SPAG16: variants seen among roughly 807,000 people sequenced by gnomAD.
SPAG16 encodes the protein sperm associated antigen 16, also known as sperm-associated antigen 16 protein.
Under a neutral mutation model 80.4 loss-of-function variants are expected in SPAG16, and 86 were observed. That is an observed-to-expected ratio of 1.07 (90% CI 0.90 to 1.28). The LOEUF is 1.28. SPAG16 is among the 50% of genes most tolerant of loss of function. The probability of loss-of-function intolerance (pLI) is 0.00; values close to 1 mark genes in which losing one functional copy is unlikely to be tolerated. For missense variants in SPAG16, 870 were observed against 765.3 expected (o/e 1.14, Z -1.61); for synonymous variants, 294 against 265.9 (o/e 1.11, Z -1.03).
intron 10 of SPAG16, among the ~76,000 whole-genome samples, chr2:213,743,163 A>G (rs1321627863): frequency 6.8e-6 from 1 of 147,246 alleles, no homozygotes; most frequent in African/African-American, 2.5e-5. Flanking sequence ...TCAGCCTCCC[A>G]AAGTGCTGGG....
intron 15 of SPAG16, among the ~76,000 whole-genome samples, chr2:214,193,397 G>C (rs943881054): frequency 5.8e-5 from 3 of 52,076 alleles, no homozygotes; most frequent in African/African-American, 3.0e-4. Flanking sequence ...GATCTTTTAT[G>C]TGTGTGTGTG....
chr2:214,351,374 G>C (rs1698392732), intron 15 of SPAG16, among the ~76,000 whole-genome samples: 3 of 151,602 alleles, frequency 2.0e-5, no homozygotes. Flanking sequence ...ACACAGATAG[G>C]ATTGTCTGTG....
chr2:213,700,723 G>A (rs1005491558), intron 10 of SPAG16, among the ~76,000 whole-genome samples: 2 of 152,170 alleles, frequency 1.3e-5, no homozygotes, highest in African/African-American at 4.8e-5. Flanking sequence ...GTTATTCATT[G>A]ATAAGAATTC....
At chr2:213,852,840 A>G (rs2074973379) in intron 10 of SPAG16, among the ~76,000 whole-genome samples, 1 of 152,198 alleles carries the variant, frequency 6.6e-6, no homozygotes, top group South Asian at 2.1e-4. Flanking sequence ...TGCATGCTAC[A>G]TCATAGGCTA....
At chr2:213,795,458 A>G (rs913744502) in intron 10 of SPAG16, among the ~76,000 whole-genome samples, 3 of 152,232 alleles carry the variant, frequency 2.0e-5, no homozygotes, top group African/African-American at 4.8e-5. Flanking sequence ...TAGCATCAAT[A>G]TATCCTTCAC....
intron 4 of SPAG16, among the ~76,000 whole-genome samples, chr2:213,314,437 AC>A (rs1191187598): frequency 2.0e-5 from 3 of 151,844 alleles, no homozygotes; most frequent in Non-Finnish European, 2.9e-5. Flanking sequence ...GAAGCAAACC[AC>A]AAAAACATTA....
chr2:214,231,118 G>T (rs1688668657), intron 15 of SPAG16, among the ~76,000 whole-genome samples: 1 of 151,896 alleles, frequency 6.6e-6, no homozygotes, highest in Non-Finnish European at 1.5e-5. Flanking sequence ...GACATCGTTG[G>T]AATAACCAAC....
intron 9 of SPAG16, among the ~76,000 whole-genome samples, chr2:213,401,754 C>T (rs1385738125): frequency 2.0e-5 from 3 of 151,942 alleles, no homozygotes; most frequent in East Asian, 1.9e-4. Context: ...TGTTTTTGGA[C>T]GTGTTTCTAC....
chr2:213,455,896 T>G (rs575964339), intron 9 of SPAG16, among the ~76,000 whole-genome samples: 11 of 152,290 alleles, frequency 7.2e-5, no homozygotes, highest in African/African-American at 1.9e-4. Context: ...CACACAGACC[T>G]TGTATCCAGC....
chr2:213,954,109 G>T (rs1403244125), intron 12 of SPAG16, among the ~76,000 whole-genome samples: 1 of 150,546 alleles, frequency 6.6e-6, no homozygotes, highest in Non-Finnish European at 1.5e-5. Context: ...ACACCAAAAA[G>T]AAGCTCCACT....
chr2:214,282,946 A>G lies in SPAG16; in HGVS notation c.1721-127194A>G, dbSNP rs1425206031. 5.3e-5 allele frequency among the ~76,000 whole-genome samples: 8 copies of G among 152,270 alleles called. No individual in the cohort carries two copies. The East Asian group carries it at 1.5e-3, about 29-fold the overall frequency. On this transcript the variant is annotated intron_variant, in intron 15 of 15. Transcript: ENST00000331683. ...ACTGACAGATTTGCTGAGAAAAGAC[A>G]AAAAGGATCACAGCAGGTTCAGATG...
At chr2:213,894,755 C>G (rs1476775151) in intron 11 of SPAG16, among the ~76,000 whole-genome samples, 1 of 152,120 alleles carries the variant, frequency 6.6e-6, no homozygotes, top group South Asian at 2.1e-4. Flanking sequence ...TTTTGGGAGG[C>G]TGAGGCAGGA....
chr2:213,426,154 A>G (rs2069899531), intron 9 of SPAG16, among the ~76,000 whole-genome samples: 1 of 152,196 alleles, frequency 6.6e-6, no homozygotes, highest in African/African-American at 2.4e-5. Flanking sequence ...TTCAGCCTAT[A>G]TGATTTATAA....
intron 15 of SPAG16, among the ~76,000 whole-genome samples, chr2:214,210,911 A>T (rs1388639326): frequency 1.3e-5 from 2 of 152,202 alleles, no homozygotes; most frequent in East Asian, 1.9e-4. Context: ...AACAAAAATA[A>T]TATGTAACTG....
At chr2:213,754,976 T>C (rs1401189570) in intron 10 of SPAG16, among the ~76,000 whole-genome samples, 5 of 152,216 alleles carry the variant, frequency 3.3e-5, no homozygotes, top group Non-Finnish European at 7.3e-5. Context: ...ATTTCCTAAG[T>C]AATTCTAGGT....
intron 9 of SPAG16, among the ~76,000 whole-genome samples, chr2:213,393,813 C>T (rs967459920): frequency 6.6e-6 from 1 of 151,834 alleles, no homozygotes; most frequent in African/African-American, 2.4e-5. Flanking sequence ...AAATATGTCG[C>T]CTCACTAGGT....
At chr2:213,480,858 T>C (rs2073713155) in intron 9 of SPAG16, among the ~76,000 whole-genome samples, 2 of 152,236 alleles carry the variant, frequency 1.3e-5, no homozygotes, top group African/African-American at 4.8e-5. Context: ...AGATGTTTTT[T>C]ATTATTACAT....
In SPAG16 at chr2:213,862,616, G is replaced by A; in HGVS notation, c.1202G>A (p.Cys401Tyr). Reference sequence around the variant, plus strand: ...CACACTGACTGGCTTTCAGACTGCTGCTTCCATCCCAGGTCAGTGCACAGG... The same window carrying A: ...CACACTGACTGGCTTTCAGACTGCTACTTCCATCCCAGGTCAGTGCACAGG... ...FGHTDWLSDC[C>Y]FHPSGDKLAT... Residue 401 changes from cysteine (C) to tyrosine (Y), a missense_variant, in exon 11 of 16, where the codon TGC becomes TAC. Cys to Tyr is a radical substitution (Grantham distance 194). Transcript: ENST00000331683. 2 of 1,613,996 alleles carry A rather than the reference G, an allele frequency of 1.2e-6. No individual in the cohort carries two copies. Among genetic ancestry groups the A allele is most frequent in the Non-Finnish European group, 1.7e-6 (2 of 1,179,976 alleles).
At chr2:214,197,413 A>G (rs1248625174) in intron 15 of SPAG16, among the ~76,000 whole-genome samples, 1 of 151,974 alleles carries the variant, frequency 6.6e-6, no homozygotes, top group Admixed American at 6.6e-5. Flanking sequence ...TTAAAATAAA[A>G]CATCATTGTT....
Sources: gnomAD v4.1 joint callset for allele counts (sites outside exome capture counted in the v4.1 genomes callset) on GRCh38, gnomAD v4.1.1 for gene constraint, MANE v1.5 for transcripts, NCBI Gene and HGNC (gene_info 2026-07-23, HGNC 2026-07-21) for gene names.